LRRFIP1: variants seen among roughly 807,000 people sequenced by gnomAD.
LRRFIP1 encodes LRR binding FLII interacting protein 1.
In LRRFIP1, 62 loss-of-function variants were observed where a neutral mutation model predicts 104.4. The ratio of observed to expected loss-of-function variants is 0.59; its 90% CI spans 0.48 to 0.73. The LOEUF (loss-of-function observed/expected upper bound fraction) is 0.73. Among genes scored for constraint, LRRFIP1 ranks in the 30% least tolerant of loss-of-function variants. LRRFIP1 has a pLI of 0.00. For synonymous variants in LRRFIP1, 300 were observed against 299.0 expected (o/e 1.00, Z -0.03); for missense variants, 796 against 824.5 (o/e 0.97, Z 0.42).
At chr2:237,764,680 A>T in intron 19 of LRRFIP1, 1 of 989,012 alleles carries the variant, frequency 1.0e-6, no homozygotes, top group Non-Finnish European at 1.2e-6. Context: ...TCACTGAATG[A>T]TAAGATTTGC....
intron 18 of LRRFIP1, 142 bp from the exon 19 acceptor site, chr2:237,759,922 T>C: frequency 2.9e-6 from 2 of 680,082 alleles, no homozygotes; most frequent in Non-Finnish European, 5.0e-6. Context: ...TTACGAGTGC[T>C]GCACCCTAGC....
At chr2:237,665,379 G>A (rs1281731698) in intron 1 of LRRFIP1, among the ~76,000 whole-genome samples, 1 of 152,204 alleles carries the variant, frequency 6.6e-6, no homozygotes, top group Non-Finnish European at 1.5e-5. Flanking sequence ...TCTATAATCT[G>A]TGAAACAGGT....
intron 17 of LRRFIP1, among the ~76,000 whole-genome samples, chr2:237,757,834 A>G (rs995529338): frequency 1.3e-5 from 2 of 151,832 alleles, no homozygotes; most frequent in Non-Finnish European, 2.9e-5. Context: ...GTGGTTGTTG[A>G]AACAGCTGGA....
chr2:237,750,736 TGA>T (rs2058523169), intron 13 of LRRFIP1, among the ~76,000 whole-genome samples: 1 of 152,198 alleles, frequency 6.6e-6, no homozygotes, highest in East Asian at 1.9e-4. Context: ...AGGTACTTAC[TGA>T]GAGGCTGGCT....
At chr2:237,700,009 G>A (rs2093425774) in intron 1 of LRRFIP1, among the ~76,000 whole-genome samples, 1 of 152,194 alleles carries the variant, frequency 6.6e-6, no homozygotes, top group South Asian at 2.1e-4. Flanking sequence ...TGGGGGACAT[G>A]GGGTGGTGGG....
rs548703525 is a variant in LRRFIP1 at position 237,661,518 on chromosome 2, C to T, written c.96+33778C>T. Among the ~76,000 whole-genome samples, 1 of 152,376 alleles carries T rather than the reference C, an allele frequency of 6.6e-6. No individual in the cohort carries two copies. The highest frequency in any genetic ancestry group is 2.4e-5 in the African/African-American group (1 of 41,588). On this transcript the variant is annotated intron_variant, in intron 1 of 23. Coordinates refer to ENST00000308482, the MANE Select transcript of LRRFIP1 (RefSeq NM_001137550.2). The surrounding 1 kb of genome is among the most constrained non-coding windows in gnomAD (Gnocchi z 4.4). Reference sequence around the variant, plus strand: ...AGCAAATCCCTTTCCTTCCACCTCGCTCTCGGCCCCTGGTTCACCTTCTGT... The same window carrying T: ...AGCAAATCCCTTTCCTTCCACCTCGTTCTCGGCCCCTGGTTCACCTTCTGT...
chr2:237,706,685 TG>T (rs2093827142), intron 1 of LRRFIP1, among the ~76,000 whole-genome samples: 1 of 152,198 alleles, frequency 6.6e-6, no homozygotes, highest in South Asian at 2.1e-4. Context: ...TGGAGTGCAG[TG>T]GCACAATCAC....
intron 1 of LRRFIP1, among the ~76,000 whole-genome samples, chr2:237,700,716 T>C (rs1369693231): frequency 6.6e-6 from 1 of 152,146 alleles, no homozygotes; most frequent in Non-Finnish European, 1.5e-5. Flanking sequence ...GTCCCTAATA[T>C]GCGCTAACAG....
chr2:237,709,840 A>G (rs2093985587), intron 2 of LRRFIP1, among the ~76,000 whole-genome samples: 1 of 152,016 alleles, frequency 6.6e-6, no homozygotes, highest in African/African-American at 2.4e-5. Flanking sequence ...TGGTTTTTAA[A>G]TATGTATATG....
chr2:237,780,320 TGTG>T lies in LRRFIP1; in HGVS notation c.*791_*793del, dbSNP rs1177801583. The T allele has an allele frequency of 1.3e-5, 2 of 152,222 alleles. No homozygotes were observed. Among genetic ancestry groups the T allele is most frequent in the Non-Finnish European group, 2.9e-5 (2 of 68,038 alleles). The allele number at this position is 152,222 out of a possible 1,614,324, so 9.4% of individuals were successfully genotyped here. ...ATGAAATGTTGAGAGACTTCAGCAA[TGTG>T]GTTCTAATTTTTTTCCACTGAGAAA... On this transcript the variant is annotated 3_prime_UTR_variant, in exon 24 of 24. Coordinates refer to ENST00000308482, the MANE Select transcript of LRRFIP1 (RefSeq NM_001137550.2).
At chr2:237,740,135 G>A (rs1450281323) in intron 11 of LRRFIP1, among the ~76,000 whole-genome samples, 2 of 152,060 alleles carry the variant, frequency 1.3e-5, no homozygotes, top group Non-Finnish European at 2.9e-5. Context: ...GCTGGGTGTG[G>A]TGGCTCACAT....
At chr2:237,676,282 A>G (rs1204254905) in intron 1 of LRRFIP1, among the ~76,000 whole-genome samples, 1 of 152,166 alleles carries the variant, frequency 6.6e-6, no homozygotes, top group Non-Finnish European at 1.5e-5. Flanking sequence ...GTTTAAATGT[A>G]CATACTTTAA....
intron 7 of LRRFIP1, among the ~76,000 whole-genome samples, chr2:237,724,128 T>C (rs1466687263): frequency 6.6e-6 from 1 of 151,582 alleles, no homozygotes; most frequent in African/African-American, 2.4e-5. Context: ...GCTTTAGACA[T>C]AAACTCAGAA....
chr2:237,701,307 C>G (rs1331855213), intron 1 of LRRFIP1, among the ~76,000 whole-genome samples: 1 of 152,228 alleles, frequency 6.6e-6, no homozygotes, highest in Non-Finnish European at 1.5e-5. Flanking sequence ...GCTGCTAGAG[C>G]CCCAGACGTC....
chr2:237,645,909 C>A (rs953568635), intron 1 of LRRFIP1, among the ~76,000 whole-genome samples: 2 of 151,564 alleles, frequency 1.3e-5, no homozygotes, highest in Non-Finnish European at 2.9e-5. Flanking sequence ...CTAGGGAGCG[C>A]TGCAAATGGA....
intron 1 of LRRFIP1, among the ~76,000 whole-genome samples, chr2:237,671,377 A>G (rs895224569): frequency 1.1e-4 from 16 of 152,238 alleles, no homozygotes; most frequent in Admixed American, 4.6e-4. Context: ...ACAAATGCTA[A>G]TTTGCTTGTC....
intron 1 of LRRFIP1, among the ~76,000 whole-genome samples, chr2:237,678,261 A>G (rs1371781945): frequency 2.0e-5 from 3 of 152,200 alleles, no homozygotes; most frequent in Non-Finnish European, 4.4e-5. Context: ...GGTTACTCCT[A>G]CTAGAGCCAC....
At chr2:237,692,208 C>T (rs1487127103) in intron 1 of LRRFIP1, 15 of 1,074,820 alleles carry the variant, frequency 1.4e-5, no homozygotes, top group South Asian at 4.5e-5. Flanking sequence ...CCCCGGCGCC[C>T]TTCCACCCCG....
chr2:237,698,709 A>G (rs1047107974), intron 1 of LRRFIP1, among the ~76,000 whole-genome samples: 1 of 152,212 alleles, frequency 6.6e-6, no homozygotes, highest in South Asian at 2.1e-4. Flanking sequence ...TTGATCTCTA[A>G]CTTTATGCCA....
Sources: gnomAD v4.1 joint callset for allele counts (sites outside exome capture counted in the v4.1 genomes callset) on GRCh38, gnomAD v4.1.1 for gene constraint, Gnocchi (gnomAD v3.1) non-coding constraint, MANE v1.5 for transcripts, NCBI Gene and HGNC (gene_info 2026-07-23, HGNC 2026-07-21) for gene names.